Variants in FBXL13 observed in about 807,000 individuals in gnomAD.
FBXL13 encodes F-box and leucine rich repeat protein 13.
A neutral mutation model predicts 83.6 loss-of-function variants in FBXL13; 67 were observed. The observed-to-expected ratio is 0.80, with a 90% confidence interval of 0.66 to 0.98. FBXL13 has a LOEUF of 0.98. Among genes scored for constraint, FBXL13 ranks in the 50% least tolerant of loss-of-function variants. The pLI, the probability that FBXL13 is intolerant of heterozygous loss-of-function variation, is 0.00. For missense variants in FBXL13, 822 were observed against 866.5 expected (o/e 0.95, Z 0.64); for synonymous variants, 272 against 299.5 (o/e 0.91, Z 0.95).
At position 102,944,780 on chromosome 7, in the gene FBXL13, A is replaced by C. The variant is rs760119821; in HGVS notation, c.725-12847T>G. 5 of 589,230 alleles carry C rather than the reference A, an allele frequency of 8.5e-6. No homozygotes were observed. In the East Asian group the frequency reaches 9.1e-5, roughly 11 times the overall value. 36.5% of individuals were successfully genotyped at this position (589,230 alleles called of 1,614,324 possible). The stretch of plus-strand genomic sequence containing the variant: ...CTATTATAGTAATCAAGAGAATGCT[A>C]TCATCCTGCTTGCCTGTCCATTTGT... On this transcript the variant is annotated intron_variant, in intron 8 of 19. Transcript: ENST00000313221.
chr7:102,998,205 C>G (rs1790015790), intron 6 of FBXL13, among the ~76,000 whole-genome samples: 1 of 152,158 alleles, frequency 6.6e-6, no homozygotes, highest in Admixed American at 6.5e-5. Flanking sequence ...TGAGAAATGT[C>G]TATTCAGATC....
chr7:103,065,925 G>A (rs997561654), intron 1 of FBXL13, among the ~76,000 whole-genome samples: 1 of 152,244 alleles, frequency 6.6e-6, no homozygotes, highest in Admixed American at 6.5e-5. Flanking sequence ...GCACCACTGG[G>A]TGCACCACAC....
At chr7:102,919,124 T>G (rs993154457) in intron 10 of FBXL13, among the ~76,000 whole-genome samples, 1 of 152,176 alleles carries the variant, frequency 6.6e-6, no homozygotes, top group South Asian at 2.1e-4. Flanking sequence ...TTCAATGACA[T>G]TGTGTTGATA....
chr7:102,957,113 C>T (rs1009828097), intron 8 of FBXL13, among the ~76,000 whole-genome samples: 6 of 152,102 alleles, frequency 3.9e-5, no homozygotes, highest in South Asian at 2.1e-4. Flanking sequence ...CTGGAGGCAT[C>T]GCACTACCTG....
exon 5 of FBXL13, chr7:103,027,521 G>A: frequency 6.2e-7 from 1 of 1,612,770 alleles, no homozygotes; most frequent in South Asian, 1.1e-5. Flanking sequence ...TGGTTAGCTT[G>A]TGACAATAGA....
intron 11 of FBXL13, among the ~76,000 whole-genome samples, chr7:102,885,603 A>T (rs538886304): frequency 6.6e-6 from 1 of 152,292 alleles, no homozygotes; most frequent in South Asian, 2.1e-4. Flanking sequence ...ACTTCGATGC[A>T]TAAACACTTT....
At chr7:103,031,287 C>A (rs769270685) in intron 2 of FBXL13, 2 of 152,250 alleles carry the variant, frequency 1.3e-5, no homozygotes, top group Non-Finnish European at 2.9e-5. Flanking sequence ...TGGCTTCCCA[C>A]CCTTCACAGT....
chr7:102,976,605 T>C (rs1827501128), intron 6 of FBXL13, among the ~76,000 whole-genome samples: 1 of 152,072 alleles, frequency 6.6e-6, no homozygotes, highest in Non-Finnish European at 1.5e-5. Context: ...GCCCCCCTGT[T>C]TGGGGTAATT....
At chr7:102,839,032 T>G in intron 17 of FBXL13, among the ~76,000 whole-genome samples, 1 of 152,250 alleles carries the variant, frequency 6.6e-6, no homozygotes, top group East Asian at 1.9e-4. Context: ...ACGGCATGTC[T>G]TGGTATAAAA....
intron 4 of FBXL13, among the ~76,000 whole-genome samples, chr7:103,028,250 A>G (rs1329488271): frequency 6.6e-6 from 1 of 152,204 alleles, no homozygotes; most frequent in Non-Finnish European, 1.5e-5. Context: ...TGTAAAAAGC[A>G]TAAACCTCTT....
chr7:102,960,929 CAG>C (rs1389039286), intron 8 of FBXL13, among the ~76,000 whole-genome samples: 1 of 152,014 alleles, frequency 6.6e-6, no homozygotes, highest in African/African-American at 2.4e-5. Flanking sequence ...TGGCACAAGA[CAG>C]GGATGCCCTC....
chr7:103,031,624 A>C (rs1300010508), intron 2 of FBXL13, among the ~76,000 whole-genome samples: 1 of 152,192 alleles, frequency 6.6e-6, no homozygotes, highest in Non-Finnish European at 1.5e-5. Context: ...GTTACAAACA[A>C]AGTGAGGGAG....
chr7:102,961,391 G>A (rs1332727083), intron 8 of FBXL13, among the ~76,000 whole-genome samples: 10 of 150,780 alleles, frequency 6.6e-5, no homozygotes, highest in South Asian at 2.1e-4. Context: ...AATCAATATC[G>A]TGAAAACGGC....
At chr7:103,011,376 T>C (rs1437459800) in intron 6 of FBXL13, among the ~76,000 whole-genome samples, 2 of 152,186 alleles carry the variant, frequency 1.3e-5, no homozygotes. Flanking sequence ...GGCTCACGCC[T>C]GTAATCCCAG....
chr7:102,921,063 A>G (rs972067886), intron 10 of FBXL13, among the ~76,000 whole-genome samples: 3 of 152,210 alleles, frequency 2.0e-5, no homozygotes, highest in African/African-American at 7.2e-5. Flanking sequence ...GAGGCAGGAG[A>G]ATCCTTTCAG....
chr7:103,057,058 C>T (rs1165865391), intron 1 of FBXL13, among the ~76,000 whole-genome samples: 1 of 151,996 alleles, frequency 6.6e-6, no homozygotes, highest in Non-Finnish European at 1.5e-5. Context: ...GGATATTAGT[C>T]CTTTGTTGGA....
chr7:102,990,798 C>G (rs1465249355), intron 6 of FBXL13, among the ~76,000 whole-genome samples: 1 of 152,126 alleles, frequency 6.6e-6, no homozygotes, highest in Non-Finnish European at 1.5e-5. Flanking sequence ...GGCATATGGC[C>G]AGAGAGGGTG....
At chr7:102,848,073 T>A (rs1804350941) in intron 17 of FBXL13, among the ~76,000 whole-genome samples, 1 of 152,194 alleles carries the variant, frequency 6.6e-6, no homozygotes, top group Admixed American at 6.5e-5. Context: ...ATATGCACAC[T>A]TTCACTGCAT....
intron 18 of FBXL13, among the ~76,000 whole-genome samples, chr7:102,826,724 C>CTCATAT (rs1465698757): frequency 1.6e-4 from 10 of 62,710 alleles, no homozygotes; most frequent in African/African-American, 4.6e-4. Context: ...GACCCTGTCT[C>CTCATAT]ATATATATAT....
Sources: gnomAD v4.1 joint callset for allele counts (sites outside exome capture counted in the v4.1 genomes callset) on GRCh38, gnomAD v4.1.1 for gene constraint, MANE v1.5 for transcripts, NCBI Gene and HGNC (gene_info 2026-07-23, HGNC 2026-07-21) for gene names.